The following CSNK1A1 variants were observed in gnomAD, a reference collection of about 807,000 sequenced individuals.
The protein encoded by CSNK1A1 is casein kinase 1 alpha 1.
In CSNK1A1, 7 loss-of-function variants were observed where a neutral mutation model predicts 46.1. That is an observed-to-expected ratio of 0.15 (90% CI 0.09 to 0.29). The LOEUF (loss-of-function observed/expected upper bound fraction) is 0.29, where lower values mean the gene tolerates loss of function less well. CSNK1A1 is among the 10% of genes least tolerant of loss of function. The pLI is 1.00. For missense variants in CSNK1A1, 96 were observed against 417.1 expected (o/e 0.23, Z 6.71); for synonymous variants, 137 against 141.5 (o/e 0.97, Z 0.23).
chr5:149,532,565 C>A (rs566949377), intron 2 of CSNK1A1, among the ~76,000 whole-genome samples: 27 of 151,848 alleles, frequency 1.8e-4, no homozygotes, highest in African/African-American at 6.5e-4. Context: ...TGGCGTTGGG[C>A]GCCTGTAATC....
At position 149,550,355 on chromosome 5, in the gene CSNK1A1, T is replaced by C; in HGVS notation, c.124-174A>G. 7.1e-7 allele frequency: 1 copy of C among 1,414,662 alleles called. No homozygotes were observed. Among genetic ancestry groups the C allele is most frequent in the Non-Finnish European group, 9.2e-7 (1 of 1,088,728 alleles). 87.6% of individuals were successfully genotyped at this position (1,414,662 alleles called of 1,614,324 possible). A position where few individuals can be genotyped will look rare whatever the true frequency, so the allele number is the denominator to read the frequency against. On this transcript the variant is annotated intron_variant, in intron 1 of 9. Transcript: ENST00000377843. This position sits in a 1 kb window ranked among gnomAD's most constrained non-coding sequence, Gnocchi z 4.3. ...GAGGCAACCAGCCTCAAAGGCCTCT[T>C]CAGGGGGTAGTGACGAAATCCGTAC...
Position 149,550,731 on chromosome 5 carries a change from T to G in CSNK1A1, c.123+111A>C, listed in dbSNP as rs767074932. The G allele has an allele frequency of 2.0e-6, 3 of 1,475,514 alleles. No homozygotes were observed. The highest frequency in any genetic ancestry group is 4.1e-5 in the Admixed American group (2 of 48,998). The allele number at this position is 1,475,514 out of a possible 1,614,324, so 91.4% of individuals were successfully genotyped here. On this transcript the variant is annotated intron_variant, in intron 1 of 9. Transcript: ENST00000377843. This position sits in a 1 kb window ranked among gnomAD's most constrained non-coding sequence, Gnocchi z 4.3. ...AGGAAAACTAGCTCCCTGGACTCCC[T>G]GGCGAGTGCGTGCGATGAGGAGAGG...
chr5:149,549,628 G>C, intron 2 of CSNK1A1: 1 of 659,370 alleles, frequency 1.5e-6, no homozygotes, highest in Admixed American at 2.1e-5. Context: ...AAGACATGTT[G>C]GAACAAAAAC....
At chr5:149,521,192 G>A (rs955912421) in intron 3 of CSNK1A1, among the ~76,000 whole-genome samples, 1 of 151,564 alleles carries the variant, frequency 6.6e-6, no homozygotes, top group Non-Finnish European at 1.5e-5. Flanking sequence ...TTGCTGAGTT[G>A]AAGGGTGTAT....
chr5:149,538,389 A>C (rs1490761256), intron 2 of CSNK1A1, among the ~76,000 whole-genome samples: 2 of 152,200 alleles, frequency 1.3e-5, no homozygotes, highest in African/African-American at 2.4e-5. Flanking sequence ...TGAATGAAAG[A>C]AATGGTTGTT....
chr5:149,515,086 T>C (rs937645220), intron 4 of CSNK1A1, among the ~76,000 whole-genome samples: 3 of 152,346 alleles, frequency 2.0e-5, no homozygotes, highest in Middle Eastern at 3.4e-3. Context: ...TGCAGATTCA[T>C]AGTGAAAAGA....
intron 2 of CSNK1A1, among the ~76,000 whole-genome samples, chr5:149,533,659 A>T (rs1252908991): frequency 6.6e-6 from 1 of 151,174 alleles, no homozygotes; most frequent in Non-Finnish European, 1.5e-5. Context: ...CAAATAATTG[A>T]GCGGGGACGT....
At chr5:149,542,852 T>C (rs1489502797) in intron 2 of CSNK1A1, among the ~76,000 whole-genome samples, 2 of 149,902 alleles carry the variant, frequency 1.3e-5, no homozygotes, top group African/African-American at 4.9e-5. Context: ...CACACCACCA[T>C]GCTTGGCTAA....
chr5:149,505,081 T>G (rs1580821070), intron 9 of CSNK1A1: 2 of 994,056 alleles, frequency 2.0e-6, no homozygotes, highest in African/African-American at 1.7e-5. Context: ...AATCAACAAG[T>G]GTTAGGTCTA....
intron 4 of CSNK1A1, among the ~76,000 whole-genome samples, chr5:149,516,297 C>T (rs1761401158): frequency 1.3e-5 from 2 of 152,056 alleles, no homozygotes; most frequent in African/African-American, 2.4e-5. Flanking sequence ...ACACTCCTGC[C>T]TGGGCAACAG....
intron 2 of CSNK1A1, among the ~76,000 whole-genome samples, chr5:149,534,315 C>G (rs1761986575): frequency 6.6e-6 from 1 of 151,756 alleles, no homozygotes; most frequent in Admixed American, 6.6e-5. Flanking sequence ...AACCCCGTCT[C>G]TACTAAAAAC....
chr5:149,547,418 A>T (rs1281719953), intron 2 of CSNK1A1, among the ~76,000 whole-genome samples: 1 of 152,220 alleles, frequency 6.6e-6, no homozygotes, highest in African/African-American at 2.4e-5. Context: ...CATGTACTGT[A>T]CTTGGGTTTA....
chr5:149,523,166 G>A (rs1018303304), intron 3 of CSNK1A1, among the ~76,000 whole-genome samples: 1 of 150,992 alleles, frequency 6.6e-6, no homozygotes, highest in African/African-American at 2.4e-5. Flanking sequence ...TCAGCCTCCC[G>A]GGTAGCTGGG....
At chr5:149,497,868 C>T in intron 9 of CSNK1A1, 3 of 976,804 alleles carry the variant, frequency 3.1e-6, no homozygotes, top group Non-Finnish European at 3.6e-6. Flanking sequence ...CAGTCTCGCT[C>T]TGTCACCCAG....
At chr5:149,522,921 AGTGG>A (rs2113121270) in intron 3 of CSNK1A1, among the ~76,000 whole-genome samples, 1 of 152,318 alleles carries the variant, frequency 6.6e-6, no homozygotes, top group African/African-American at 2.4e-5. Flanking sequence ...CACTAAGTAC[AGTGG>A]TAGGCTCTCA....
chr5:149,501,676 A>G, intron 9 of CSNK1A1: 1 of 985,422 alleles, frequency 1.0e-6, no homozygotes, highest in South Asian at 4.7e-5. Flanking sequence ...ACAGAATAGT[A>G]GAATTATCCA....
chr5:149,535,025 G>A (rs1363306515), intron 2 of CSNK1A1, among the ~76,000 whole-genome samples: 7 of 151,610 alleles, frequency 4.6e-5, no homozygotes, highest in Non-Finnish European at 7.4e-5. Flanking sequence ...CTCCCTCTTC[G>A]GATTATCCTC....
chr5:149,541,213 C>T (rs1380947267), intron 2 of CSNK1A1, among the ~76,000 whole-genome samples: 1 of 149,028 alleles, frequency 6.7e-6, no homozygotes, highest in African/African-American at 2.5e-5. Context: ...AGTGCAGTGG[C>T]GTGATCTCAG....
chr5:149,511,560 G>A (rs1424732190), intron 6 of CSNK1A1, among the ~76,000 whole-genome samples: 1 of 152,178 alleles, frequency 6.6e-6, no homozygotes, highest in African/African-American at 2.4e-5. Context: ...GTGGCTACCA[G>A]TGGGTACCAG....
Sources: gnomAD v4.1 joint callset for allele counts (sites outside exome capture counted in the v4.1 genomes callset) on GRCh38, gnomAD v4.1.1 for gene constraint, Gnocchi (gnomAD v3.1) non-coding constraint, MANE v1.5 for transcripts, NCBI Gene and HGNC (gene_info 2026-07-23, HGNC 2026-07-21) for gene names.